STOML1: variants seen among roughly 807,000 people sequenced by gnomAD.
The protein encoded by STOML1 is stomatin-like protein 1.
In STOML1, 27 loss-of-function variants were observed where a neutral mutation model predicts 35.7. That is an observed-to-expected ratio of 0.76 (90% CI 0.56 to 1.04). The LOEUF is 1.04. Ranked by LOEUF, STOML1 falls within the 50% of genes least tolerant of loss-of-function variation. STOML1 has a pLI of 0.00. For missense variants in STOML1, 451 were observed against 527.1 expected (o/e 0.86, Z 1.41); for synonymous variants, 219 against 227.9 (o/e 0.96, Z 0.35).
rs755921004 is a variant in STOML1 at position 73,988,948 on chromosome 15, T to G, written c.391-146A>C. The G allele has an allele frequency of 8.5e-5, 120 of 1,413,992 alleles. No individual in the cohort carries two copies. Among genetic ancestry groups the G allele is most frequent in the Non-Finnish European group, 1.1e-4 (115 of 1,048,160 alleles). 87.6% of individuals were successfully genotyped at this position (1,413,992 alleles called of 1,614,324 possible). A position where few individuals can be genotyped will look rare whatever the true frequency, so the allele number is the denominator to read the frequency against. ...GTGTCACCAAGTATGTAGGGTTAGGTGTATGAAGCAAGGATGTCCTCCTAG... is the reference window on the plus strand; with the variant it reads ...GTGTCACCAAGTATGTAGGGTTAGGGGTATGAAGCAAGGATGTCCTCCTAG... On this transcript the variant is annotated intron_variant, in intron 3 of 6. Transcript: ENST00000541638. The surrounding 1 kb of genome is among the most constrained non-coding windows in gnomAD (Gnocchi z 4.8).
At position 73,988,564 on chromosome 15, in the gene STOML1, A is replaced by AC; in HGVS notation, c.594+34dup. On this transcript the variant is annotated intron_variant, in intron 4 of 6. Coordinates refer to ENST00000541638, the MANE Select transcript of STOML1 (RefSeq NM_004809.5). This position sits in a 1 kb window ranked among gnomAD's most constrained non-coding sequence, Gnocchi z 4.8. ...TGGCAGGTGGAGCCAGGCCGGTGCC[A>AC]CCCCTCAAGCTCCGTCTTGTGAGGG... The AC allele has an allele frequency of 6.2e-7, 1 of 1,612,274 alleles. No individual in the cohort carries two copies. Among genetic ancestry groups the AC allele is most frequent in the East Asian group, 2.2e-5 (1 of 44,830 alleles).
chr15:73,992,052 C>T, intron 1 of STOML1, 39 bp downstream of exon 1: 1 of 1,523,558 alleles, frequency 6.6e-7, no homozygotes, highest in East Asian at 2.5e-5. Flanking sequence ...GGTTGCCGGC[C>T]GGTCCCCCCC....
In STOML1 at chr15:73,983,160, G is replaced by GT; in HGVS notation, c.*776dup. On this transcript the variant is annotated 3_prime_UTR_variant, in exon 7 of 7. Coordinates refer to ENST00000541638, the MANE Select transcript of STOML1 (RefSeq NM_004809.5). The stretch of plus-strand genomic sequence containing the variant: ...TGCCTGGGCTGGCAGCATGGACCTT[G>GT]TGGACCCTCCTAGCCCACCCCATGC... 1 of 152,210 alleles carries GT rather than the reference G, an allele frequency of 6.6e-6. No homozygotes were observed. Among genetic ancestry groups the GT allele is most frequent in the East Asian group, 1.9e-4 (1 of 5,184 alleles). The allele number at this position is 152,210 out of a possible 1,614,324, so 9.4% of individuals were successfully genotyped here.
At chr15:73,987,779 T>C (rs918138729) in intron 4 of STOML1, 9 of 152,348 alleles carry the variant, frequency 5.9e-5, no homozygotes, top group Admixed American at 5.9e-4. Context: ...AAAAGGACTT[T>C]GTAAACCATA....
At chr15:73,993,663 C>T (rs1325930632), upstream of STOML1, among the ~76,000 whole-genome samples, 1 of 152,176 alleles carries the variant, frequency 6.6e-6, no homozygotes, top group Non-Finnish European at 1.5e-5. Context: ...TAGTCTGTTT[C>T]TAAGTTGGAA....
chr15:73,988,492 TG>T lies in STOML1; in HGVS notation c.594+106del. The T allele has an allele frequency of 1.5e-6, 2 of 1,331,952 alleles. No homozygotes were observed. Among genetic ancestry groups the T allele is most frequent in the South Asian group, 1.4e-5 (1 of 72,568 alleles). 82.5% of individuals were successfully genotyped at this position (1,331,952 alleles called of 1,614,324 possible). ...AAGGTGGTTACACTATTGGGACATA[TG>T]GTAAACTGAGGCCCAGAGTGGTCTG... On this transcript the variant is annotated intron_variant, in intron 4 of 6. Coordinates refer to ENST00000541638, the MANE Select transcript of STOML1 (RefSeq NM_004809.5). The surrounding 1 kb of genome is among the most constrained non-coding windows in gnomAD (Gnocchi z 4.8).
chr15:73,981,895 G>A lies in STOML1; in HGVS notation c.*2042C>T, dbSNP rs1207144985. 1.3e-5 allele frequency: 2 copies of A among 152,692 alleles called. No individual in the cohort carries two copies. Among genetic ancestry groups the A allele is most frequent in the Non-Finnish European group, 2.9e-5 (2 of 68,528 alleles). The allele number at this position is 152,692 out of a possible 1,614,324, so 9.5% of individuals were successfully genotyped here. A position where few individuals can be genotyped will look rare whatever the true frequency, so the allele number is the denominator to read the frequency against. ...CCACAGGGTGGGGATTCATGGCAGGGGCAGGCCTTACTCTCCACCTACACA... is the reference window on the plus strand; with the variant it reads ...CCACAGGGTGGGGATTCATGGCAGGAGCAGGCCTTACTCTCCACCTACACA... On this transcript the variant is annotated 3_prime_UTR_variant, in exon 7 of 7. Transcript: ENST00000541638.
upstream of STOML1, among the ~76,000 whole-genome samples, chr15:73,993,736 G>A (rs755786507): frequency 2.0e-5 from 3 of 152,194 alleles, no homozygotes; most frequent in African/African-American, 4.8e-5. Flanking sequence ...GTTTGAAGCC[G>A]GGGCGCTGAC....
chr15:73,984,550 C>T, intron 6 of STOML1, 109 bp downstream of exon 6: 1 of 1,333,754 alleles, frequency 7.5e-7, no homozygotes. Flanking sequence ...ATGGGTTCAC[C>T]CCAAATTATT....
At chr15:73,991,576 G>A in intron 1 of STOML1, 1 of 456,726 alleles carries the variant, frequency 2.2e-6, no homozygotes, top group Non-Finnish European at 4.4e-6. Flanking sequence ...AGCCACAGAA[G>A]ACTTTGAGGG....
chr15:73,991,873 G>T, intron 1 of STOML1: 1 of 700,380 alleles, frequency 1.4e-6, no homozygotes, highest in Non-Finnish European at 2.3e-6. Flanking sequence ...AGCAACGCTG[G>T]CTGGCTCTGG....
At chr15:73,993,572 A>C (rs1034193330), upstream of STOML1, among the ~76,000 whole-genome samples, 2 of 152,152 alleles carry the variant, frequency 1.3e-5, no homozygotes, top group African/African-American at 4.8e-5. Context: ...GTCCCTAGGA[A>C]GTTGCGTATC....
intron 3 of STOML1, 41 bp downstream of exon 3, chr15:73,989,067 G>A (rs2069183523): frequency 1.9e-6 from 3 of 1,543,644 alleles, no homozygotes; most frequent in African/African-American, 1.4e-5. Flanking sequence ...TTCTGGACAG[G>A]CCCCCAGTTC....
intron 2 of STOML1, chr15:73,989,959 TACC>T (rs934239853): frequency 1.5e-5 from 3 of 205,018 alleles, no homozygotes; most frequent in Admixed American, 1.1e-4. Context: ...TTTCCCACTG[TACC>T]ACCCCTTATG....
At chr15:73,992,330 CG>C, upstream of STOML1, 1 of 1,279,902 alleles carries the variant, frequency 7.8e-7, no homozygotes, top group Non-Finnish European at 1.0e-6. Flanking sequence ...TTCACCCGCG[CG>C]GCCACCCGCG....
chr15:73,990,414 G>C lies in STOML1; in HGVS notation c.177C>G (p.Ile59Met). ...ACAGCAGCAAGAACCCCAGGAAACTGATGAGGCCATGACAGAGGCAGGAGG... is the reference window on the plus strand; with the variant it reads ...ACAGCAGCAAGAACCCCAGGAAACTCATGAGGCCATGACAGAGGCAGGAGG... ...SWPSCLCHGL[I>M]SFLGFLLLLV... Residue 59 changes from isoleucine to methionine, a missense_variant, in exon 2 of 7, where the codon ATC (isoleucine) becomes ATG (methionine). Coordinates refer to ENST00000541638, the MANE Select transcript of STOML1 (RefSeq NM_004809.5). The C allele has an allele frequency of 6.2e-7, 1 of 1,614,124 alleles. No individual in the cohort carries two copies. The highest frequency in any genetic ancestry group is 8.5e-7 in the Non-Finnish European group (1 of 1,180,006).
rs1245919252 is a variant in STOML1 at position 73,989,263 on chromosome 15, C to T, written c.241-6G>A. The T allele has an allele frequency of 6.3e-7, 1 of 1,580,014 alleles. No homozygotes were observed. The highest frequency in any genetic ancestry group is 1.2e-5 in the South Asian group (1 of 86,752). On this transcript the variant is annotated splice_polypyrimidine_tract_variant and splice_region_variant and intron_variant, in intron 2 of 6. Coordinates refer to ENST00000541638, the MANE Select transcript of STOML1 (RefSeq NM_004809.5). Reference sequence around the variant, plus strand: ...CGCTCGTAGGTGGGCACAATCTGTCCACAATGGCAAGGGAAAGAGTTGAAA... The same window carrying T: ...CGCTCGTAGGTGGGCACAATCTGTCTACAATGGCAAGGGAAAGAGTTGAAA...
At chr15:73,991,572 A>G in intron 1 of STOML1, 1 of 456,656 alleles carries the variant, frequency 2.2e-6, no homozygotes. Context: ...AAGGAGCCAC[A>G]GAAGACTTTG....
At position 73,992,202 on chromosome 15, in the gene STOML1, G is replaced by C. The variant is rs199911341; in HGVS notation, c.22C>G (p.Arg8Gly). The change falls in exon 1 of 7, where the codon CGG becomes GGG. Residue 8 changes from arginine (R) to glycine (G), a missense_variant. Coordinates refer to ENST00000541638, the MANE Select transcript of STOML1 (RefSeq NM_004809.5). ...TCAAAATCACCCAGGGGCAGCGCCC[G>C]GTACCCAGACCTGCCGAGCATGGCT... Reference protein sequence around the residue: MLGRSGYRALPLGDFDRF... With the variant: MLGRSGYGALPLGDFDRF... The C allele has an allele frequency of 3.1e-6, 5 of 1,606,302 alleles. No homozygotes were observed. Among genetic ancestry groups the C allele is most frequent in the Non-Finnish European group, 4.2e-6 (5 of 1,177,328 alleles).
Sources: allele counts gnomAD v4.1 joint callset (sites outside exome capture counted in the v4.1 genomes callset), GRCh38; gene constraint gnomAD v4.1.1; non-coding constraint Gnocchi (gnomAD v3.1); transcripts MANE v1.5; gene names NCBI Gene and HGNC (gene_info 2026-07-23, HGNC 2026-07-21).